The following DLG2 variants were observed in gnomAD, a reference collection of about 807,000 sequenced individuals.
DLG2 encodes the protein discs large MAGUK scaffold protein 2, also known as disks large homolog 2.
DLG2 carries 45 observed loss-of-function variants against 132.5 expected under a neutral mutation model. The ratio of observed to expected loss-of-function variants is 0.34; its 90% CI spans 0.27 to 0.44. DLG2 has a LOEUF of 0.44. Ranked by LOEUF, DLG2 falls within the 20% of genes least tolerant of loss-of-function variation. The pLI is 1.00. For missense variants in DLG2, 1,045 were observed against 1,196.9 expected (o/e 0.87, Z 1.87); for synonymous variants, 424 against 419.6 (o/e 1.01, Z -0.13).
intron 6 of DLG2, among the ~76,000 whole-genome samples, chr11:84,677,936 A>T (rs767139834): frequency 3.3e-5 from 5 of 152,060 alleles, no homozygotes; most frequent in Non-Finnish European, 5.9e-5. Flanking sequence ...AGTAAATTGC[A>T]TATAGAACAA....
intron 15 of DLG2, among the ~76,000 whole-genome samples, chr11:83,886,077 G>A (rs533010423): frequency 3.4e-4 from 51 of 152,142 alleles, no homozygotes; most frequent in Non-Finnish European, 6.2e-4. Context: ...CATAATGACA[G>A]GATCAAATTC....
At chr11:84,531,263 G>A (rs541006694) in intron 7 of DLG2, among the ~76,000 whole-genome samples, 3 of 152,280 alleles carry the variant, frequency 2.0e-5, no homozygotes, top group East Asian at 1.9e-4. Context: ...TTACAGGTGG[G>A]ACCTAAACAA....
intron 25 of DLG2, among the ~76,000 whole-genome samples, chr11:83,467,771 G>GTGTATATATATATA (rs1283789103): frequency 2.4e-5 from 2 of 85,060 alleles, no homozygotes; most frequent in Non-Finnish European, 4.5e-5. Flanking sequence ...AAAACTATAT[G>GTGTATATATATATA]TATATATATA....
At chr11:83,922,421 T>C (rs1338245881) in intron 15 of DLG2, among the ~76,000 whole-genome samples, 2 of 152,126 alleles carry the variant, frequency 1.3e-5, no homozygotes. Context: ...GTTTGAAAAA[T>C]AAGCTACTAC....
At chr11:85,342,199 A>T (rs2082547691) in intron 3 of DLG2, among the ~76,000 whole-genome samples, 1 of 152,202 alleles carries the variant, frequency 6.6e-6, no homozygotes, top group African/African-American at 2.4e-5. Flanking sequence ...TTTTTTAAAC[A>T]TTTTTACTCT....
intron 22 of DLG2, among the ~76,000 whole-genome samples, chr11:83,479,377 G>A (rs1015397927): frequency 6.6e-6 from 1 of 151,922 alleles, no homozygotes; most frequent in Non-Finnish European, 1.5e-5. Flanking sequence ...GCTATAACGG[G>A]GGGGGGAAAA....
At chr11:85,224,593 G>A (rs1272301815) in intron 4 of DLG2, among the ~76,000 whole-genome samples, 2 of 152,122 alleles carry the variant, frequency 1.3e-5, no homozygotes, top group Non-Finnish European at 2.9e-5. Flanking sequence ...AGTGTGACAT[G>A]AAAGCTTTCA....
intron 17 of DLG2, among the ~76,000 whole-genome samples, chr11:83,832,325 A>C (rs770254368): frequency 6.6e-5 from 10 of 152,208 alleles, no homozygotes; most frequent in African/African-American, 2.4e-4. Flanking sequence ...TATGGCATAG[A>C]TTGTGGTGAT....
intron 6 of DLG2, among the ~76,000 whole-genome samples, chr11:84,752,564 C>CTTT (rs370347853): frequency 1.6e-5 from 2 of 127,504 alleles, no homozygotes; most frequent in Non-Finnish European, 3.5e-5. Context: ...TTTTCTTTTT[C>CTTT]TTTTTTTTTT....
chr11:85,611,016 C>T lies in DLG2; in HGVS notation c.-92-12228G>A, dbSNP rs182361541. Among the ~76,000 whole-genome samples the T allele has an allele frequency of 3.8e-4, 58 of 152,284 alleles. No individual in the cohort carries two copies. In the East Asian group the frequency reaches 5.8e-3, roughly 15 times the overall value. Reference sequence around the variant, plus strand: ...AGAAACAGCCTTCAAAACCTTAAAGCGGGCCCTAGTACAACTCCAGCTTTA... The same window carrying T: ...AGAAACAGCCTTCAAAACCTTAAAGTGGGCCCTAGTACAACTCCAGCTTTA... On this transcript the variant is annotated intron_variant, in intron 2 of 27. Coordinates refer to ENST00000376104, the MANE Select transcript of DLG2 (RefSeq NM_001142699.3).
chr11:85,495,234 T>G (rs938526902), intron 3 of DLG2, among the ~76,000 whole-genome samples: 3 of 152,240 alleles, frequency 2.0e-5, no homozygotes, highest in African/African-American at 7.2e-5. Flanking sequence ...CTTGAATGTT[T>G]AAGTTGGTAT....
At chr11:83,626,591 T>C (rs535208707) in intron 19 of DLG2, among the ~76,000 whole-genome samples, 61 of 152,238 alleles carry the variant, frequency 4.0e-4, no homozygotes, top group African/African-American at 1.4e-3. Flanking sequence ...AGTAGCAACT[T>C]TGAGTAACAT....
intron 6 of DLG2, among the ~76,000 whole-genome samples, chr11:84,920,968 G>GAATCATGTAA (rs1249452248): frequency 1.3e-5 from 2 of 151,990 alleles, no homozygotes; most frequent in African/African-American, 4.8e-5. Flanking sequence ...ACTGTAACAA[G>GAATCATGTAA]AATCATGTTA....
At chr11:84,316,848 G>A (rs1361848134) in intron 7 of DLG2, 4 of 1,612,460 alleles carry the variant, frequency 2.5e-6, no homozygotes, top group Non-Finnish European at 3.4e-6. Flanking sequence ...AACCAACCAT[G>A]TGGGCAGGTA....
At chr11:83,976,412 C>T (rs886677671) in intron 12 of DLG2, among the ~76,000 whole-genome samples, 3 of 151,896 alleles carry the variant, frequency 2.0e-5, no homozygotes, top group African/African-American at 7.2e-5. Flanking sequence ...ACAGCTGGTA[C>T]ATCATAGAAT....
intron 3 of DLG2, among the ~76,000 whole-genome samples, chr11:85,569,608 C>T (rs536816068): frequency 9.2e-5 from 14 of 151,872 alleles, no homozygotes; most frequent in Non-Finnish European, 1.2e-4. Flanking sequence ...GCCTTTCAAA[C>T]GTGAAAAAAT....
intron 3 of DLG2, among the ~76,000 whole-genome samples, chr11:85,569,010 G>C (rs909527050): frequency 6.6e-6 from 1 of 151,786 alleles, no homozygotes; most frequent in African/African-American, 2.4e-5. Context: ...ATTTATTTGA[G>C]ATCATTCTTC....
chr11:85,315,334 T>C (rs188430986), intron 3 of DLG2, among the ~76,000 whole-genome samples: 1 of 151,986 alleles, frequency 6.6e-6, no homozygotes, highest in East Asian at 1.9e-4. Context: ...TGCCATCCTG[T>C]TTTTCCTAGC....
chr11:85,035,327 A>G (rs908987456), intron 6 of DLG2, among the ~76,000 whole-genome samples: 1 of 152,316 alleles, frequency 6.6e-6, no homozygotes, highest in East Asian at 1.9e-4. Context: ...TATGTGTTTC[A>G]CACTGTTATA....
Sources: gnomAD v4.1 joint callset for allele counts (sites outside exome capture counted in the v4.1 genomes callset) on GRCh38, gnomAD v4.1.1 for gene constraint, MANE v1.5 for transcripts, NCBI Gene and HGNC (gene_info 2026-07-23, HGNC 2026-07-21) for gene names.